The following ENO2 variants were observed in gnomAD, a reference collection of about 807,000 sequenced individuals.
ENO2 encodes the protein gamma-enolase.
In ENO2, 19 loss-of-function variants were observed where a neutral mutation model predicts 48.7. The observed-to-expected ratio is 0.39, with a 90% confidence interval of 0.27 to 0.57. The LOEUF (loss-of-function observed/expected upper bound fraction) is 0.57, where lower values mean the gene tolerates loss of function less well. ENO2 is among the 20% of genes least tolerant of loss of function. The pLI, the probability that ENO2 is intolerant of heterozygous loss-of-function variation, is 0.58. For missense variants in ENO2, 416 were observed against 555.0 expected (o/e 0.75, Z 2.52); for synonymous variants, 198 against 213.4 (o/e 0.93, Z 0.63).
At chr12:6,918,554 T>C (rs975120713) in intron 7 of ENO2, among the ~76,000 whole-genome samples, 43 of 151,440 alleles carry the variant, frequency 2.8e-4, no homozygotes, top group Non-Finnish European at 5.9e-4. Context: ...GGTTTCACTG[T>C]GGTCTCGAAC....
At chr12:6,918,213 C>G (rs782241589) in intron 7 of ENO2, 51 bp downstream of exon 7, 1 of 1,589,148 alleles carries the variant, frequency 6.3e-7, no homozygotes, top group Non-Finnish European at 8.6e-7. Context: ...TATTGTGGGA[C>G]ATCAGAAAGG....
In ENO2 at chr12:6,916,057, T is replaced by G; in HGVS notation, c.85+140T>G. The G allele has an allele frequency of 1.2e-6, 1 of 858,842 alleles. No individual in the cohort carries two copies. The highest frequency in any genetic ancestry group is 1.8e-6 in the Non-Finnish European group (1 of 545,212). The allele number at this position is 858,842 out of a possible 1,614,324, so 53.2% of individuals were successfully genotyped here. On this transcript the variant is annotated intron_variant, in intron 2 of 11. Transcript: ENST00000229277. The surrounding 1 kb of genome is among the most constrained non-coding windows in gnomAD (Gnocchi z 4.5). ...GGCTCACAAGCCTGGGTTGTGGCGG[T>G]TGGATCCTCCTTGTCCGGGGAGCCA...
rs781935725 is a variant in ENO2, at chr12:6,917,985, G to A, written c.490G>A (p.Ala164Thr). 1 of 1,614,160 alleles carries A rather than the reference G, an allele frequency of 6.2e-7. No individual in the cohort carries two copies. Among genetic ancestry groups the A allele is most frequent in the Non-Finnish European group, 8.5e-7 (1 of 1,180,032 alleles). Residue 164 changes from alanine to threonine, a missense_variant, in exon 7 of 12, where the codon GCC (alanine) becomes ACC (threonine). Physicochemically the swap from Ala to Thr is moderately conservative, Grantham distance 58 (BLOSUM62 0). Transcript: ENST00000229277. ...NGGSHAGNKL[A>T]MQEFMILPVG... Reference sequence around the variant, plus strand: ...TGGCTCTCATGCTGGCAACAAGCTGGCCATGCAGGAGTTCATGATCCTCCC... The same window carrying A: ...TGGCTCTCATGCTGGCAACAAGCTGACCATGCAGGAGTTCATGATCCTCCC...
rs1945307599 is a variant in ENO2, at chr12:6,918,010, C to T, written c.515C>T (p.Pro172Leu). The T allele has an allele frequency of 6.2e-7, 1 of 1,614,134 alleles. No individual in the cohort carries two copies. The highest frequency in any genetic ancestry group is 8.5e-7 in the Non-Finnish European group (1 of 1,180,014). ...GCCATGCAGGAGTTCATGATCCTCC[C>T]AGTGGGAGCTGAGAGCTTTCGGGAT... ...KLAMQEFMILPVGAESFRDAM... is the reference protein window; with the variant it reads ...KLAMQEFMILLVGAESFRDAM... The change falls in exon 7 of 12, where the codon CCA (proline) becomes CTA (leucine). Residue 172 changes from proline to leucine, a missense_variant. Pro to Leu is a moderately conservative substitution (Grantham distance 98). Transcript: ENST00000229277.
Position 6,916,631 on chromosome 12 carries a change from C to A in ENO2, c.182-40C>A. The A allele has an allele frequency of 6.2e-7, 1 of 1,613,696 alleles. No individual in the cohort carries two copies. On this transcript the variant is annotated intron_variant, in intron 3 of 11. Coordinates refer to ENST00000229277, the MANE Select transcript of ENO2 (RefSeq NM_001975.3). This position sits in a 1 kb window ranked among gnomAD's most constrained non-coding sequence, Gnocchi z 4.5. Reference sequence around the variant, plus strand: ...CTCCTCCCATTGATCCCTTCCGGCCCCTCCTGGCCCGACCCAGTCCAGCCT... The same window carrying A: ...CTCCTCCCATTGATCCCTTCCGGCCACTCCTGGCCCGACCCAGTCCAGCCT...
chr12:6,922,428 CT>C lies in ENO2; in HGVS notation c.1235+27del, dbSNP rs782526574. On this transcript the variant is annotated intron_variant, in intron 11 of 11. Transcript: ENST00000229277. The surrounding 1 kb of genome is among the most constrained non-coding windows in gnomAD (Gnocchi z 5.3). ...GTGAGGGTCCCTGGGGTGGGAGCCC[CT>C]GGCCCAGATGGCTAAAGGCCCCATT... is the stretch of plus-strand genomic sequence containing the variant. The C allele has an allele frequency of 6.2e-7, 1 of 1,614,058 alleles. No homozygotes were observed. The highest frequency in any genetic ancestry group is 8.5e-7 in the Non-Finnish European group (1 of 1,179,998).
chr12:6,915,945 C>G, intron 2 of ENO2, 28 bp downstream of exon 2: 4 of 1,612,542 alleles, frequency 2.5e-6, no homozygotes, highest in Non-Finnish European at 3.4e-6. Flanking sequence ...GGCCTTCCTA[C>G]AGCCCTAGCT....
chr12:6,921,844 G>A, intron 9 of ENO2, 62 bp downstream of exon 9: 1 of 1,591,424 alleles, frequency 6.3e-7, no homozygotes, highest in Non-Finnish European at 8.6e-7. Context: ...TTTTGCAAGT[G>A]CTCCAGCCTA....
At chr12:6,918,441 C>T (rs1378000865) in intron 7 of ENO2, among the ~76,000 whole-genome samples, 1 of 150,574 alleles carries the variant, frequency 6.6e-6, no homozygotes, top group Non-Finnish European at 1.5e-5. Context: ...AGCTCCGCCT[C>T]CCGGGTTCAC....
At position 6,921,463 on chromosome 12, in the gene ENO2, C is replaced by G. The variant is rs782392546; in HGVS notation, c.866-118C>G. On this transcript the variant is annotated intron_variant, in intron 8 of 11. Coordinates refer to ENST00000229277, the MANE Select transcript of ENO2 (RefSeq NM_001975.3). Reference sequence around the variant, plus strand: ...GGGGATTTGTCTTAGCAAGGATGAGCAGGTGTAGTTAACCAAGGGCCTGTC... The same window carrying G: ...GGGGATTTGTCTTAGCAAGGATGAGGAGGTGTAGTTAACCAAGGGCCTGTC... 4 of 949,228 alleles carry G rather than the reference C, an allele frequency of 4.2e-6. No individual in the cohort carries two copies. In the African/African-American group the frequency reaches 6.5e-5, roughly 15 times the overall value. 58.8% of individuals were successfully genotyped at this position (949,228 alleles called of 1,614,324 possible).
rs1945346180 is a variant in ENO2 at position 6,922,089 on chromosome 12, C to T, written c.1101C>T (p.Val367=). Residue 367 remains valine (V), a synonymous_variant, in exon 10 of 12, where the codon GTC becomes GTT. Coordinates refer to ENST00000229277, the MANE Select transcript of ENO2 (RefSeq NM_001975.3). The surrounding 1 kb of genome is among the most constrained non-coding windows in gnomAD (Gnocchi z 5.3). ...CKLAQENGWG[V]MVSHRSGETE... is the part of the protein sequence containing the mutation. ...TGGCCCAGGAGAATGGCTGGGGGGT[C>T]ATGGTGAGTCATCGCTCAGGAGAGA... 3 of 1,614,102 alleles carry T rather than the reference C, an allele frequency of 1.9e-6. No individual in the cohort carries two copies. In the East Asian group the frequency reaches 6.7e-5, roughly 36 times the overall value.
intron 8 of ENO2, 64 bp from the exon 9 acceptor site, chr12:6,921,517 T>G (rs1232603977): frequency 1.3e-6 from 2 of 1,545,822 alleles, no homozygotes; most frequent in African/African-American, 2.7e-5. Context: ...GGCATGTTCC[T>G]GCCTGATGTA....
rs1467221875 is a variant in ENO2 at position 6,916,589 on chromosome 12, C to T, written c.181+77C>T. On this transcript the variant is annotated intron_variant, in intron 3 of 11. Coordinates refer to ENST00000229277, the MANE Select transcript of ENO2 (RefSeq NM_001975.3). This position sits in a 1 kb window ranked among gnomAD's most constrained non-coding sequence, Gnocchi z 4.5. ...TACCTCACACCAGTCCCCAGTCCTC[C>T]TCTAGCATGGCTTCCCCTCCTCCCA... is the stretch of plus-strand genomic sequence containing the variant. The T allele has an allele frequency of 5.6e-6, 9 of 1,610,940 alleles. No homozygotes were observed. The highest frequency in any genetic ancestry group is 6.8e-6 in the Non-Finnish European group (8 of 1,177,528).
intron 8 of ENO2, 50 bp from the exon 9 acceptor site, chr12:6,921,531 A>G: frequency 6.3e-7 from 1 of 1,583,604 alleles, no homozygotes; most frequent in South Asian, 1.1e-5. Context: ...TGATGTAGAG[A>G]CCCAGGGAAG....
chr12:6,922,898 C>A lies in ENO2; in HGVS notation c.*98C>A. The stretch of plus-strand genomic sequence containing the variant: ...GTTCACCCCCTGAGATCCCCTGAGC[C>A]CCAGGGTGCCCAGAACTTCCCTGAT... On this transcript the variant is annotated 3_prime_UTR_variant, in exon 12 of 12. Transcript: ENST00000229277. This position sits in a 1 kb window ranked among gnomAD's most constrained non-coding sequence, Gnocchi z 5.3. 1 of 1,382,872 alleles carries A rather than the reference C, an allele frequency of 7.2e-7. No individual in the cohort carries two copies. Among genetic ancestry groups the A allele is most frequent in the Non-Finnish European group, 1.0e-6 (1 of 983,444 alleles). The allele number at this position is 1,382,872 out of a possible 1,614,324, so 85.7% of individuals were successfully genotyped here.
intron 5 of ENO2, 70 bp from the exon 6 acceptor site, chr12:6,917,511 A>G: frequency 6.4e-7 from 1 of 1,561,578 alleles, no homozygotes. Context: ...TTTGGAGACT[A>G]CAGATGGAGG....
Position 6,917,240 on chromosome 12 carries a change from A to G in ENO2, c.310+133A>G. On this transcript the variant is annotated intron_variant, in intron 5 of 11. Transcript: ENST00000229277. ...AGGGGCATTCTCCTCTCAAAGCCAG[A>G]GCAAGGGGAGATGAGTTTAGCTGCA... The G allele has an allele frequency of 3.5e-6, 4 of 1,136,932 alleles. No individual in the cohort carries two copies. In the South Asian group the frequency reaches 5.8e-5, roughly 16 times the overall value. 70.4% of individuals were successfully genotyped at this position (1,136,932 alleles called of 1,614,324 possible).
rs781994800 is a variant in ENO2, at chr12:6,917,134, G to A, written c.310+27G>A. ...TGAGCCGGGGCCGGGAGAAAGTGGG[G>A]AAGCGTCAGGGTGGGGAGGCGTGGA... On this transcript the variant is annotated intron_variant, in intron 5 of 11. Coordinates refer to ENST00000229277, the MANE Select transcript of ENO2 (RefSeq NM_001975.3). The A allele has an allele frequency of 1.9e-6, 3 of 1,613,590 alleles. No individual in the cohort carries two copies. The South Asian group carries it at 3.3e-5, about 18-fold the overall frequency.
In ENO2 at chr12:6,921,627, G is replaced by A; in HGVS notation, c.912G>A (p.Trp304Ter). 6.2e-7 allele frequency: 1 copy of A among 1,614,112 alleles called. No individual in the cohort carries two copies. The highest frequency in any genetic ancestry group is 8.5e-7 in the Non-Finnish European group (1 of 1,180,024). Residue 304 changes from tryptophan to a stop codon, truncating the protein, a stop_gained, in exon 9 of 12, where the codon TGG becomes TGA. Transcript: ENST00000229277. LOFTEE classifies it high-confidence loss of function. ...DPFDQDDWAAWSKFTANVGIQ... is the reference protein window; with the variant it reads ...DPFDQDDWAA ...TTGACCAGGATGATTGGGCTGCCTG[G>A]TCCAAGTTCACAGCCAATGTAGGGA...
Sources: allele counts gnomAD v4.1 joint callset (sites outside exome capture counted in the v4.1 genomes callset), GRCh38; gene constraint gnomAD v4.1.1; non-coding constraint Gnocchi (gnomAD v3.1); transcripts MANE v1.5; gene names NCBI Gene and HGNC (gene_info 2026-07-23, HGNC 2026-07-21).